Variants in KCNIP1 observed in about 807,000 individuals in gnomAD.
KCNIP1 encodes A-type potassium channel modulatory protein KCNIP1.
In KCNIP1, 18 loss-of-function variants were observed where a neutral mutation model predicts 33.0. The ratio of observed to expected loss-of-function variants is 0.55; its 90% CI spans 0.38 to 0.81. The LOEUF (loss-of-function observed/expected upper bound fraction) is 0.81, where lower values mean the gene tolerates loss of function less well. Among genes scored for constraint, KCNIP1 ranks in the 30% least tolerant of loss-of-function variants. The pLI, the probability that KCNIP1 is intolerant of heterozygous loss-of-function variation, is 0.00. For missense variants in KCNIP1, 238 were observed against 271.6 expected, an observed-to-expected ratio of 0.88 and a Z score of 0.87; for synonymous variants, 93 against 98.3, an observed-to-expected ratio of 0.95 and a Z score of 0.32.
intron 1 of KCNIP1, among the ~76,000 whole-genome samples, chr5:170,622,174 C>T (rs1014585571): frequency 2.6e-5 from 4 of 152,188 alleles, no homozygotes; most frequent in Non-Finnish European, 5.9e-5. Context: ...GGTGGAGCCG[C>T]GTCCTTCCCA....
chr5:170,436,397 T>C (rs1435221425), intron 1 of KCNIP1, among the ~76,000 whole-genome samples: 1 of 152,172 alleles, frequency 6.6e-6, no homozygotes, highest in African/African-American at 2.4e-5. Flanking sequence ...CTTTAAAGGA[T>C]GACAGGCCTC....
chr5:170,600,500 C>T (rs1448722013), intron 1 of KCNIP1, among the ~76,000 whole-genome samples: 2 of 152,158 alleles, frequency 1.3e-5, no homozygotes, highest in Non-Finnish European at 2.9e-5. Context: ...CCACGTAGCA[C>T]CTGGTAGCAC....
intron 1 of KCNIP1, among the ~76,000 whole-genome samples, chr5:170,548,727 C>A (rs932580533): frequency 6.6e-6 from 1 of 152,296 alleles, no homozygotes; most frequent in Admixed American, 6.5e-5. Flanking sequence ...ATGTTGGGAC[C>A]TCTTCCCACT....
At chr5:170,379,467 G>C (rs542083779) in intron 1 of KCNIP1, among the ~76,000 whole-genome samples, 1 of 152,268 alleles carries the variant, frequency 6.6e-6, no homozygotes, top group East Asian at 1.9e-4. Context: ...ATTGTCAGAG[G>C]GTGAAGCAGG....
At chr5:170,735,183 G>T (rs1439162086) in intron 7 of KCNIP1, among the ~76,000 whole-genome samples, 1 of 151,890 alleles carries the variant, frequency 6.6e-6, no homozygotes, top group East Asian at 1.9e-4. Flanking sequence ...CGCTTTGGGG[G>T]GTTTTCTTAC....
intron 1 of KCNIP1, among the ~76,000 whole-genome samples, chr5:170,629,590 G>A (rs1368984729): frequency 6.6e-6 from 1 of 152,136 alleles, no homozygotes; most frequent in Non-Finnish European, 1.5e-5. Context: ...CAGTTAGATT[G>A]AGCTGGGTCC....
chr5:170,502,289 G>T (rs996111038), upstream of KCNIP1, among the ~76,000 whole-genome samples: 12 of 152,204 alleles, frequency 7.9e-5, no homozygotes, highest in African/African-American at 2.9e-4. Flanking sequence ...CACAAAACAG[G>T]ACACATGCTG....
At chr5:170,577,775 A>G (rs868235929) in intron 1 of KCNIP1, among the ~76,000 whole-genome samples, 3 of 152,254 alleles carry the variant, frequency 2.0e-5, no homozygotes, top group Non-Finnish European at 4.4e-5. Context: ...GAGCACATTT[A>G]TAAGAACAAA....
chr5:170,597,139 G>C (rs1038384106), intron 1 of KCNIP1, among the ~76,000 whole-genome samples: 15 of 152,200 alleles, frequency 9.9e-5, no homozygotes, highest in African/African-American at 3.6e-4. Context: ...TCCTGCCTCT[G>C]TTAGGACTTG....
chr5:170,525,826 G>C (rs1755544288), intron 1 of KCNIP1, among the ~76,000 whole-genome samples: 1 of 152,196 alleles, frequency 6.6e-6, no homozygotes, highest in South Asian at 2.1e-4. Context: ...ATCTCTATTA[G>C]CCAAGGGTGA....
chr5:170,674,337 A>G (rs942185098), intron 1 of KCNIP1, among the ~76,000 whole-genome samples: 5 of 152,208 alleles, frequency 3.3e-5, no homozygotes, highest in Non-Finnish European at 7.3e-5. Context: ...AAACATGTCA[A>G]TGGATATCTA....
upstream of KCNIP1, among the ~76,000 whole-genome samples, chr5:170,500,534 C>G (rs1446067743): frequency 6.6e-6 from 1 of 152,136 alleles, no homozygotes; most frequent in Admixed American, 6.5e-5. Flanking sequence ...CTTCAGCACT[C>G]CCTCTGCACA....
intron 1 of KCNIP1, among the ~76,000 whole-genome samples, chr5:170,666,126 A>C (rs1761692535): frequency 6.6e-6 from 1 of 152,240 alleles, no homozygotes; most frequent in Non-Finnish European, 1.5e-5. Context: ...GGCCATCTTC[A>C]TGAATTATTG....
chr5:170,663,258 A>G lies in KCNIP1; in HGVS notation c.62-55500A>G, dbSNP rs547957368. 2.6e-5 allele frequency among the ~76,000 whole-genome samples: 4 copies of G among 152,336 alleles called. No homozygotes were observed. The South Asian group carries it at 8.3e-4, about 32-fold the overall frequency. ...CTGAGCCAGAGTGAAACTCTGGGGT[A>G]TTTGACTTTAAAGTCCCAGCCTTTA... On this transcript the variant is annotated intron_variant, in intron 1 of 7. Coordinates refer to ENST00000328939, the MANE Select transcript of KCNIP1 (RefSeq NM_014592.4).
intron 5 of KCNIP1, among the ~76,000 whole-genome samples, chr5:170,724,422 G>A (rs1191685943): frequency 6.6e-6 from 1 of 152,146 alleles, no homozygotes; most frequent in Non-Finnish European, 1.5e-5. Flanking sequence ...TAAAAAGGAT[G>A]ATACAATACA....
At chr5:170,482,034 G>A (rs773488011) in intron 1 of KCNIP1, among the ~76,000 whole-genome samples, 1 of 152,220 alleles carries the variant, frequency 6.6e-6, no homozygotes, top group Non-Finnish European at 1.5e-5. Flanking sequence ...CCTCTGATAA[G>A]ATTAACAGAA....
chr5:170,643,234 A>G (rs1760648505), intron 1 of KCNIP1, among the ~76,000 whole-genome samples: 1 of 152,252 alleles, frequency 6.6e-6, no homozygotes, highest in South Asian at 2.1e-4. Context: ...AAAGGCCAGG[A>G]AATGGGTTTT....
intron 1 of KCNIP1, among the ~76,000 whole-genome samples, chr5:170,556,772 G>T (rs1404530348): frequency 7.2e-5 from 11 of 152,194 alleles, no homozygotes; most frequent in Non-Finnish European, 1.2e-4. Flanking sequence ...GCTGTGATTA[G>T]GAAAGACAGG....
intron 1 of KCNIP1, among the ~76,000 whole-genome samples, chr5:170,406,919 A>G (rs1267264192): frequency 6.6e-6 from 1 of 152,194 alleles, no homozygotes; most frequent in African/African-American, 2.4e-5. Flanking sequence ...TAAAAACCCC[A>G]AGAGATGTGG....
Sources: gnomAD v4.1 joint callset for allele counts (sites outside exome capture counted in the v4.1 genomes callset) on GRCh38, gnomAD v4.1.1 for gene constraint, MANE v1.5 for transcripts, NCBI Gene and HGNC (gene_info 2026-07-23, HGNC 2026-07-21) for gene names.